Variants in HIGD1C observed in about 807,000 individuals in gnomAD.
The protein encoded by HIGD1C is HIG1 domain family member 1C.
In HIGD1C, 11 loss-of-function variants were observed where a neutral mutation model predicts 13.1. The ratio of observed to expected loss-of-function variants is 0.84; its 90% CI spans 0.53 to 1.39. The LOEUF is 1.39. Ranked by LOEUF, HIGD1C falls within the 40% of genes most tolerant of loss-of-function variation. The pLI is 0.00. For synonymous variants in HIGD1C, 36 were observed against 37.7 expected (o/e 0.95, Z 0.17); for missense variants, 110 against 112.0 (o/e 0.98, Z 0.08).
chr12:50,937,174 G>A, the HIGD1C span, among the ~76,000 whole-genome samples: 1 of 152,170 alleles, frequency 6.6e-6, no homozygotes, highest in Admixed American at 6.5e-5. Flanking sequence ...GACCTCCATG[G>A]CTAGTGACAC....
chr12:50,968,527 C>T (rs1467400126), intron 2 of HIGD1C, among the ~76,000 whole-genome samples: 1 of 152,124 alleles, frequency 6.6e-6, no homozygotes, highest in African/African-American at 2.4e-5. Context: ...GCTGGGACTA[C>T]AGGCGTGTGC....
At chr12:50,945,449 G>C in the HIGD1C span, among the ~76,000 whole-genome samples, 6 of 152,020 alleles carry the variant, frequency 3.9e-5, no homozygotes, top group African/African-American at 1.4e-4. Flanking sequence ...AACAGACAGA[G>C]AGCCAAATCA....
chr12:50,938,329 C>T, the HIGD1C span, among the ~76,000 whole-genome samples: 1 of 152,192 alleles, frequency 6.6e-6, no homozygotes, highest in Non-Finnish European at 1.5e-5. Context: ...TGTGACAGTG[C>T]TGGAGCTTGG....
chr12:50,966,463 C>T (rs935565793), intron 2 of HIGD1C, among the ~76,000 whole-genome samples: 2 of 152,166 alleles, frequency 1.3e-5, no homozygotes, highest in Non-Finnish European at 2.9e-5. Flanking sequence ...AGATGCCTAA[C>T]AGCATCCCTG....
the HIGD1C span, among the ~76,000 whole-genome samples, chr12:50,943,431 C>T: frequency 3.9e-5 from 6 of 152,092 alleles, no homozygotes; most frequent in Non-Finnish European, 5.9e-5. Flanking sequence ...GCAGTTTAGG[C>T]CGGGTGTGGT....
the HIGD1C span, among the ~76,000 whole-genome samples, chr12:50,940,779 C>T: frequency 6.6e-6 from 1 of 151,668 alleles, no homozygotes. Context: ...TATATATCTA[C>T]AAATATAAAT....
chr12:50,964,084 A>G (rs1939449633), intron 2 of HIGD1C, among the ~76,000 whole-genome samples: 1 of 152,232 alleles, frequency 6.6e-6, no homozygotes, highest in South Asian at 2.1e-4. Flanking sequence ...ATCCTGAGAT[A>G]TAAGGTTGAA....
upstream of HIGD1C, among the ~76,000 whole-genome samples, chr12:50,950,728 G>A (rs1247056319): frequency 1.4e-5 from 2 of 139,222 alleles, no homozygotes; most frequent in Non-Finnish European, 3.0e-5. Flanking sequence ...CCAGGCTGGA[G>A]TGCAGTGGTG....
chr12:50,960,910 T>TTTTTA, intron 1 of HIGD1C, 58 bp from the exon 4 acceptor site: 2 of 1,409,224 alleles, frequency 1.4e-6, no homozygotes, highest in Non-Finnish European at 1.9e-6. Flanking sequence ...AAACTCCTGG[T>TTTTTA]CTCACACGAT....
At chr12:50,949,472 C>T (rs1482026748), upstream of HIGD1C, 1 of 150,330 alleles carries the variant, frequency 6.7e-6, no homozygotes, top group Admixed American at 6.6e-5. Flanking sequence ...TTGGAAACCC[C>T]TTTAAGCTGG....
the HIGD1C span, among the ~76,000 whole-genome samples, chr12:50,936,181 C>T: frequency 6.6e-6 from 1 of 150,992 alleles, no homozygotes; most frequent in African/African-American, 2.4e-5. Flanking sequence ...AAAAATGTAC[C>T]TCACACTGAT....
At chr12:50,953,942 T>G in exon 1 of HIGD1C, 1 of 1,054,162 alleles carries the variant, frequency 9.5e-7, no homozygotes, top group South Asian at 1.4e-5. Context: ...GAAAAACAAA[T>G]TATTTTTAAT....
At chr12:50,956,954 C>A (rs1053536252) in intron 1 of HIGD1C, among the ~76,000 whole-genome samples, 1 of 151,752 alleles carries the variant, frequency 6.6e-6, no homozygotes. Flanking sequence ...CAGGGTTTTA[C>A]CTGTTTCCTC....
chr12:50,961,993 A>C (rs917465084), intron 2 of HIGD1C, among the ~76,000 whole-genome samples: 2 of 152,210 alleles, frequency 1.3e-5, no homozygotes, highest in Non-Finnish European at 2.9e-5. Flanking sequence ...ACTGTTTAGA[A>C]ATATGACTCA....
At chr12:50,968,259 C>CA (rs1158783764) in intron 2 of HIGD1C, among the ~76,000 whole-genome samples, 2 of 152,126 alleles carry the variant, frequency 1.3e-5, no homozygotes, top group Non-Finnish European at 2.9e-5. Flanking sequence ...AGTAAGGCAG[C>CA]AGTTGGGAAG....
chr12:50,963,356 C>G (rs1256884245), intron 2 of HIGD1C, among the ~76,000 whole-genome samples: 1 of 84,488 alleles, frequency 1.2e-5, no homozygotes, highest in South Asian at 4.1e-4. Context: ...GGTGAAAGGG[C>G]AAGACTCCAT....
upstream of HIGD1C, among the ~76,000 whole-genome samples, chr12:50,952,719 A>T (rs1173422448): frequency 6.6e-6 from 1 of 152,182 alleles, no homozygotes; most frequent in Non-Finnish European, 1.5e-5. Context: ...CCGCCAGGTG[A>T]GCCCGGCGGG....
chr12:50,970,329 T>G (rs1383474233), intron 2 of HIGD1C, 113 bp from the exon 5 acceptor site: 2 of 696,610 alleles, frequency 2.9e-6, no homozygotes, highest in Non-Finnish European at 5.0e-6. Flanking sequence ...AGGAGGGCCT[T>G]TGTTTGTTTC....
In HIGD1C at chr12:50,961,170, C is replaced by G. The variant is rs146568782; in HGVS notation, c.229+68C>G. 10,327 of 1,482,886 alleles carry G rather than the reference C, an allele frequency of 7.0e-3. 43 individuals carry two copies. The highest frequency in any genetic ancestry group is 8.5e-3 in the Non-Finnish European group (9,186 of 1,078,612). The allele number at this position is 1,482,886 out of a possible 1,614,324, so 91.9% of individuals were successfully genotyped here. ...AGTACATTTATTTATTTTATTCATT[C>G]ATAGTAGAAGATGAATGTTGGGTCA... is the stretch of plus-strand genomic sequence containing the variant. On this transcript the variant is annotated intron_variant, in intron 2 of 2. Coordinates refer to ENST00000398455, the Ensembl canonical transcript of HIGD1C.
Sources: allele counts gnomAD v4.1 joint callset (sites outside exome capture counted in the v4.1 genomes callset), GRCh38; gene constraint gnomAD v4.1.1; transcripts MANE v1.5; gene names NCBI Gene and HGNC (gene_info 2026-07-23, HGNC 2026-07-21).